The following DDAH1 variants were observed in gnomAD, a reference collection of about 807,000 sequenced individuals.
DDAH1 encodes the protein dimethylarginine dimethylaminohydrolase 1.
DDAH1 carries 19 observed loss-of-function variants against 28.8 expected under a neutral mutation model. The observed-to-expected ratio is 0.66, with a 90% CI of 0.46 to 0.97. The LOEUF (loss-of-function observed/expected upper bound fraction) is 0.97. DDAH1 is among the 50% of genes least tolerant of loss of function. The pLI is 0.00. For missense variants in DDAH1, 326 were observed against 375.9 expected (o/e 0.87, Z 1.10); for synonymous variants, 153 against 154.4 (o/e 0.99, Z 0.07).
At chr1:85,345,508 A>G (rs545962794) in intron 4 of DDAH1, among the ~76,000 whole-genome samples, 2 of 152,266 alleles carry the variant, frequency 1.3e-5, no homozygotes, top group African/African-American at 4.8e-5. Context: ...AACTTCTAGT[A>G]CCTTTGCCAT....
intron 1 of DDAH1, among the ~76,000 whole-genome samples, chr1:85,532,378 G>C (rs1390589603): frequency 1.3e-5 from 2 of 151,554 alleles, no homozygotes; most frequent in African/African-American, 4.8e-5. Context: ...AAACCTAGAA[G>C]TCTCTAGTAT....
Position 85,575,302 on chromosome 1 carries a change from G to C in DDAH1, c.-123+2682C>G, listed in dbSNP as rs111857874. On this transcript the variant is annotated intron_variant, in intron 1 of 6. Coordinates refer to the DDAH1 transcript ENST00000426972. ...AGACTGGGTCCACAGTGAACACCCA[G>C]ACTGATGAACCATCAAGTAAGTGAT... is the stretch of plus-strand genomic sequence containing the variant. Among the ~76,000 whole-genome samples the C allele has an allele frequency of 7.2e-5, 11 of 152,306 alleles. 2 individuals are homozygous for C. The highest frequency in any genetic ancestry group is 2.6e-4 in the African/African-American group (11 of 41,578).
At chr1:85,536,430 G>T (rs1447704814) in intron 1 of DDAH1, among the ~76,000 whole-genome samples, 1 of 151,930 alleles carries the variant, frequency 6.6e-6, no homozygotes, top group Non-Finnish European at 1.5e-5. Context: ...GCACATGCCT[G>T]TAATCCCAGC....
chr1:85,351,068 T>G (rs1219132672), intron 3 of DDAH1, among the ~76,000 whole-genome samples: 2 of 151,994 alleles, frequency 1.3e-5, no homozygotes, highest in Non-Finnish European at 2.9e-5. Flanking sequence ...AAGTTTTTTT[T>G]TTTTTTTTTT....
intron 1 of DDAH1, among the ~76,000 whole-genome samples, chr1:85,548,323 T>C (rs1658685838): frequency 6.6e-6 from 1 of 152,186 alleles, no homozygotes; most frequent in South Asian, 2.1e-4. Flanking sequence ...GATAAGAAAC[T>C]GATATTTGAA....
intron 1 of DDAH1, among the ~76,000 whole-genome samples, chr1:85,512,040 CA>C (rs1421941679): frequency 6.6e-5 from 10 of 151,986 alleles, no homozygotes; most frequent in African/African-American, 2.2e-4. Context: ...GGCAGAGACA[CA>C]ACAAAAAAAG....
intron 1 of DDAH1, among the ~76,000 whole-genome samples, chr1:85,437,617 T>C (rs1653999670): frequency 6.6e-6 from 1 of 152,242 alleles, no homozygotes; most frequent in South Asian, 2.1e-4. Flanking sequence ...AAATATGTGT[T>C]AATGCACTTT....
intron 4 of DDAH1, among the ~76,000 whole-genome samples, chr1:85,347,328 G>A (rs943797346): frequency 9.9e-5 from 15 of 152,214 alleles, no homozygotes; most frequent in African/African-American, 3.6e-4. Context: ...TATGTTTACT[G>A]TGGCACTATT....
chr1:85,569,399 A>C (rs1189909887), intron 1 of DDAH1, among the ~76,000 whole-genome samples: 1 of 152,182 alleles, frequency 6.6e-6, no homozygotes, highest in Admixed American at 6.5e-5. Context: ...CCAAAAGAGA[A>C]GCCTTTACAA....
intron 1 of DDAH1, among the ~76,000 whole-genome samples, chr1:85,439,442 A>AG (rs1248347098): frequency 2.0e-5 from 3 of 152,234 alleles, no homozygotes; most frequent in Non-Finnish European, 4.4e-5. Context: ...GCTCTCTGCC[A>AG]GGGGGCTACA....
At chr1:85,519,641 TA>T (rs1186624192) in intron 1 of DDAH1, among the ~76,000 whole-genome samples, 1 of 152,142 alleles carries the variant, frequency 6.6e-6, no homozygotes, top group East Asian at 1.9e-4. Flanking sequence ...AGAAAAATGC[TA>T]AAAACAATCT....
At chr1:85,420,138 C>A (rs951848967) in intron 1 of DDAH1, among the ~76,000 whole-genome samples, 1 of 152,108 alleles carries the variant, frequency 6.6e-6, no homozygotes, top group African/African-American at 2.4e-5. Flanking sequence ...GGGCAGCACA[C>A]TCCCTGGGTC....
intron 1 of DDAH1, among the ~76,000 whole-genome samples, chr1:85,363,061 A>G (rs1256960209): frequency 6.6e-6 from 1 of 152,228 alleles, no homozygotes; most frequent in Non-Finnish European, 1.5e-5. Context: ...TAGCACTGTT[A>G]GTTTAATACT....
At chr1:85,427,271 T>TA (rs58534051) in intron 1 of DDAH1, among the ~76,000 whole-genome samples, 154 of 142,208 alleles carry the variant, frequency 1.1e-3, no homozygotes, top group East Asian at 8.7e-3. Flanking sequence ...CCAAGTGAGC[T>TA]AAAAAAAAAA....
intron 1 of DDAH1, among the ~76,000 whole-genome samples, chr1:85,429,851 GGTTT>G (rs909050932): frequency 4.6e-5 from 7 of 151,882 alleles, no homozygotes; most frequent in African/African-American, 7.3e-5. Context: ...CTTTTTGATG[GGTTT>G]GTTTTTTTCC....
chr1:85,431,003 G>A (rs190299576), intron 1 of DDAH1, among the ~76,000 whole-genome samples: 16 of 151,982 alleles, frequency 1.1e-4, no homozygotes, highest in Non-Finnish European at 2.1e-4. Flanking sequence ...GCTTTTACCC[G>A]TTCAGTGTGA....
intron 1 of DDAH1, among the ~76,000 whole-genome samples, chr1:85,363,955 C>T (rs1007580422): frequency 9.5e-5 from 14 of 148,124 alleles, no homozygotes; most frequent in Non-Finnish European, 1.8e-4. Flanking sequence ...TTTTTTAAGC[C>T]ACAGCCCTTG....
chr1:85,470,872 T>G (rs1344350245), intron 2 of DDAH1, among the ~76,000 whole-genome samples: 1 of 152,206 alleles, frequency 6.6e-6, no homozygotes, highest in Non-Finnish European at 1.5e-5. Context: ...ATCTACAGTA[T>G]GTATGGTAGA....
intron 1 of DDAH1, among the ~76,000 whole-genome samples, chr1:85,518,555 C>G (rs1318775096): frequency 5.1e-4 from 78 of 152,234 alleles, no homozygotes; most frequent in African/African-American, 1.7e-3. Context: ...GGTGGTGAAT[C>G]CTTCTCAGGC....
Sources: gnomAD v4.1 joint callset for allele counts (sites outside exome capture counted in the v4.1 genomes callset) on GRCh38, gnomAD v4.1.1 for gene constraint, MANE v1.5 for transcripts, NCBI Gene and HGNC (gene_info 2026-07-23, HGNC 2026-07-21) for gene names.